Variants in ETFDH observed in about 807,000 individuals in gnomAD.
The protein encoded by ETFDH is electron transfer flavoprotein-ubiquinone oxidoreductase, mitochondrial.
ETFDH carries 61 observed loss-of-function variants against 73.2 expected under a neutral mutation model. The observed-to-expected ratio is 0.83, with a 90% confidence interval of 0.68 to 1.03. ETFDH has a LOEUF of 1.03. ETFDH is among the 50% of genes least tolerant of loss of function. The pLI is 0.00. For synonymous variants in ETFDH, 243 were observed against 253.3 expected (o/e 0.96, Z 0.39); for missense variants, 685 against 745.0 (o/e 0.92, Z 0.94).
At chr4:158,677,753 A>G (rs1773745638) in intron 1 of ETFDH, among the ~76,000 whole-genome samples, 1 of 152,094 alleles carries the variant, frequency 6.6e-6, no homozygotes, top group Non-Finnish European at 1.5e-5. Context: ...TTATGTCTAA[A>G]CTCCAAAAGG....
chr4:158,672,629 C>A, intron 1 of ETFDH, 139 bp downstream of exon 1: 1 of 882,212 alleles, frequency 1.1e-6, no homozygotes, highest in South Asian at 1.4e-5. Flanking sequence ...CACGCGCTGT[C>A]AGCCTGTTGG....
chr4:158,704,550 C>T (rs1310017594), intron 10 of ETFDH, among the ~76,000 whole-genome samples: 1 of 152,184 alleles, frequency 6.6e-6, no homozygotes, highest in Non-Finnish European at 1.5e-5. Context: ...CAGCACACAC[C>T]CAGTTCCCCC....
intron 4 of ETFDH, 69 bp downstream of exon 4, chr4:158,684,742 G>A (rs980460141): frequency 1.4e-5 from 13 of 918,594 alleles, no homozygotes; most frequent in Non-Finnish European, 2.0e-5. Flanking sequence ...TTCATCTGAC[G>A]AAATTTCCTC....
At chr4:158,690,272 T>A in intron 5 of ETFDH, 76 bp from the exon 6 acceptor site, 1 of 830,912 alleles carries the variant, frequency 1.2e-6, no homozygotes. Flanking sequence ...CTAAGAAACC[T>A]AAGGCTGTTT....
At chr4:158,705,469 G>A (rs139587552) in intron 10 of ETFDH, among the ~76,000 whole-genome samples, 109 of 152,238 alleles carry the variant, frequency 7.2e-4, no homozygotes, top group Non-Finnish European at 9.8e-4. Context: ...TAAGGTCACA[G>A]TCTAAGGTAC....
chr4:158,695,229 GTC>G (rs1292987755), intron 6 of ETFDH, among the ~76,000 whole-genome samples: 1 of 152,120 alleles, frequency 6.6e-6, no homozygotes, highest in Non-Finnish European at 1.5e-5. Context: ...AATCTATCCT[GTC>G]TCTCTACATG....
At position 158,706,731 on chromosome 4, in the gene ETFDH, T is replaced by C. The variant is rs1580423483; in HGVS notation, c.1571T>C (p.Leu524Pro). 6.2e-7 allele frequency: 1 copy of C among 1,613,848 alleles called. No homozygotes were observed. The highest frequency in any genetic ancestry group is 8.5e-7 in the Non-Finnish European group (1 of 1,179,712). ...ISFDLLSSVALSGTNHEHDQP... is the reference protein window; with the variant it reads ...ISFDLLSSVAPSGTNHEHDQP... The stretch of plus-strand genomic sequence containing the variant: ...TTTGACCTCTTGTCATCTGTGGCTC[T>C]GAGTGGTACTAATCATGAACATGAC... The change falls in exon 12 of 13, where the codon CTG becomes CCG. Residue 524 changes from leucine (L) to proline (P), a missense_variant. Coordinates refer to ENST00000511912, the MANE Select transcript of ETFDH (RefSeq NM_004453.4).
In ETFDH at chr4:158,680,500, A is replaced by G; in HGVS notation, c.68A>G (p.Lys23Arg). The change falls in exon 2 of 13, where the codon AAA becomes AGA. Residue 23 changes from lysine to arginine, a missense_variant. Lys to Arg is a conservative substitution (Grantham distance 26). Coordinates refer to ENST00000511912, the MANE Select transcript of ETFDH (RefSeq NM_004453.4). Reference sequence around the variant, plus strand: ...TGCTTTCATGCCTTAAAAATTAAGAAAAATTATCTACCTCTATGTGCTACA... The same window carrying G: ...TGCTTTCATGCCTTAAAAATTAAGAGAAATTATCTACCTCTATGTGCTACA... Reference protein sequence around the residue: ...YQCFHALKIKKNYLPLCATRW... With the variant: ...YQCFHALKIKRNYLPLCATRW... 6.2e-7 allele frequency: 1 copy of G among 1,605,770 alleles called. No individual in the cohort carries two copies. Among genetic ancestry groups the G allele is most frequent in the Non-Finnish European group, 8.5e-7 (1 of 1,172,518 alleles).
At chr4:158,701,842 T>C (rs890988514) in intron 9 of ETFDH, among the ~76,000 whole-genome samples, 1 of 152,214 alleles carries the variant, frequency 6.6e-6, no homozygotes, top group African/African-American at 2.4e-5. Flanking sequence ...AAACAATCTA[T>C]AGTTCAGTTG....
At chr4:158,692,893 A>ATG (rs1187472493) in intron 6 of ETFDH, among the ~76,000 whole-genome samples, 2 of 131,264 alleles carry the variant, frequency 1.5e-5, no homozygotes, top group African/African-American at 5.5e-5. Flanking sequence ...AAAAAAACAT[A>ATG]TATATATATA....
chr4:158,694,995 T>C (rs1443513159), intron 6 of ETFDH, among the ~76,000 whole-genome samples: 1 of 152,208 alleles, frequency 6.6e-6, no homozygotes, highest in African/African-American at 2.4e-5. Flanking sequence ...CGGTCTTCCA[T>C]ATATTCGGGT....
chr4:158,683,465 A>G (rs7661426), intron 3 of ETFDH, among the ~76,000 whole-genome samples: 145,000 of 152,274 alleles, frequency 0.95, 69,398 homozygotes, highest in East Asian at 1. Context: ...TACTTTAATT[A>G]GGCCCAGTTG....
At chr4:158,689,569 G>A (rs377478108) in intron 5 of ETFDH, among the ~76,000 whole-genome samples, 44 of 109,208 alleles carry the variant, frequency 4.0e-4, no homozygotes, top group Middle Eastern at 7.2e-3. Flanking sequence ...TGATTTGTTC[G>A]TTTTCAGGAT....
chr4:158,682,071 T>C lies in ETFDH; in HGVS notation c.176-124T>C, dbSNP rs548110893. 369 of 1,305,708 alleles carry C rather than the reference T, an allele frequency of 2.8e-4. 2 individuals carry two copies. The highest frequency in any genetic ancestry group is 2.7e-4 in the South Asian group (22 of 80,774). The allele number at this position is 1,305,708 out of a possible 1,614,324, so 80.9% of individuals were successfully genotyped here. A position where few individuals can be genotyped will look rare whatever the true frequency, so the allele number is the denominator to read the frequency against. On this transcript the variant is annotated intron_variant, in intron 2 of 12. Transcript: ENST00000511912. ...AGTAATATGCTTAATATAATTATTG[T>C]GCAAAACACAGGGAGAATTTCCATA...
intron 1 of ETFDH, among the ~76,000 whole-genome samples, chr4:158,677,647 G>A (rs865916342): frequency 1.2e-4 from 18 of 152,214 alleles, no homozygotes; most frequent in African/African-American, 4.3e-4. Context: ...GTCATGTGAT[G>A]TTATACCAGA....
chr4:158,686,105 C>T (rs746684329), intron 5 of ETFDH, among the ~76,000 whole-genome samples: 3 of 152,026 alleles, frequency 2.0e-5, no homozygotes, highest in Admixed American at 6.6e-5. Flanking sequence ...AGAGAAGAGC[C>T]GCATCCAGTG....
intron 3 of ETFDH, 132 bp downstream of exon 3, chr4:158,682,556 G>A: frequency 2.8e-6 from 2 of 726,642 alleles, no homozygotes; most frequent in Non-Finnish European, 4.4e-6. Flanking sequence ...TTTTTGAGAT[G>A]GAGTTTCACT....
intron 1 of ETFDH, among the ~76,000 whole-genome samples, chr4:158,672,993 C>G (rs1167363980): frequency 6.6e-6 from 1 of 152,178 alleles, no homozygotes; most frequent in Non-Finnish European, 1.5e-5. Context: ...GTATCTGGAG[C>G]CAGTTTTTCT....
intron 5 of ETFDH, among the ~76,000 whole-genome samples, chr4:158,686,974 T>C (rs2150307363): frequency 6.6e-6 from 1 of 152,316 alleles, no homozygotes; most frequent in East Asian, 1.9e-4. Context: ...GGTACAGTTA[T>C]ATGCCTTTCT....
Sources: gnomAD v4.1 joint callset for allele counts (sites outside exome capture counted in the v4.1 genomes callset) on GRCh38, gnomAD v4.1.1 for gene constraint, MANE v1.5 for transcripts, NCBI Gene and HGNC (gene_info 2026-07-23, HGNC 2026-07-21) for gene names.